EIF3H: variants seen among roughly 807,000 people sequenced by gnomAD.
EIF3H encodes the protein eukaryotic translation initiation factor 3 subunit H, also known as eIF-3-gamma.
Under a neutral mutation model 44.2 loss-of-function variants are expected in EIF3H, and 26 were observed. That is an observed-to-expected ratio of 0.59 (90% CI 0.43 to 0.82). EIF3H has a LOEUF of 0.82. Among genes scored for constraint, EIF3H ranks in the 40% least tolerant of loss-of-function variants. The pLI is 0.00. For synonymous variants in EIF3H, 166 were observed against 151.9 expected (o/e 1.09, Z -0.68); for missense variants, 359 against 432.8 (o/e 0.83, Z 1.51).
intron 2 of EIF3H, among the ~76,000 whole-genome samples, chr8:116,684,338 T>C (rs1814038704): frequency 1.3e-5 from 2 of 152,124 alleles, no homozygotes; most frequent in Admixed American, 1.3e-4. Flanking sequence ...AGAGAGTGAA[T>C]TTTCTAAAAT....
chr8:116,737,028 T>C (rs578248011), intron 1 of EIF3H, among the ~76,000 whole-genome samples: 1 of 152,332 alleles, frequency 6.6e-6, no homozygotes, highest in African/African-American at 2.4e-5. Flanking sequence ...AATTTGTTCC[T>C]AGAAAAGCCT....
intron 6 of EIF3H, among the ~76,000 whole-genome samples, chr8:116,647,351 C>G (rs1563631449): frequency 6.6e-6 from 1 of 152,188 alleles, no homozygotes; most frequent in Non-Finnish European, 1.5e-5. Flanking sequence ...CCACCCGCCT[C>G]GGCCTCCCCA....
At chr8:116,702,164 G>A (rs1814388627) in intron 2 of EIF3H, among the ~76,000 whole-genome samples, 1 of 152,170 alleles carries the variant, frequency 6.6e-6, no homozygotes, top group Non-Finnish European at 1.5e-5. Flanking sequence ...GAGTTGATCA[G>A]CTGGAATGGG....
intron 1 of EIF3H, among the ~76,000 whole-genome samples, chr8:116,729,266 G>C (rs184007538): frequency 6.6e-6 from 1 of 152,114 alleles, no homozygotes; most frequent in Admixed American, 6.5e-5. Context: ...ATGCAAAAGG[G>C]AATACTGGTG....
At chr8:116,673,394 G>C (rs1402283851) in intron 2 of EIF3H, among the ~76,000 whole-genome samples, 2 of 152,180 alleles carry the variant, frequency 1.3e-5, no homozygotes, top group African/African-American at 4.8e-5. Context: ...GTGGTATTTA[G>C]ATGCGGTTTT....
chr8:116,755,917 T>G (rs1360290769), upstream of EIF3H: 6 of 1,544,206 alleles, frequency 3.9e-6, no homozygotes, highest in East Asian at 1.2e-4. Context: ...GAAGCCAAAA[T>G]TGGGCCCCGC....
chr8:116,677,780 C>T (rs979839546), intron 2 of EIF3H, among the ~76,000 whole-genome samples: 18 of 152,112 alleles, frequency 1.2e-4, no homozygotes, highest in African/African-American at 2.7e-4. Flanking sequence ...TTCAATATAC[C>T]ATAAAATGTT....
Position 116,642,904 on chromosome 8 carries a change from G to A in EIF3H, c.*2102C>T, listed in dbSNP as rs890783346. Reference sequence around the variant, plus strand: ...ATTACTGAAATCTTTCATTAAGTGTGTATTCATGTTACCAAGATATAGAAA... The same window carrying A: ...ATTACTGAAATCTTTCATTAAGTGTATATTCATGTTACCAAGATATAGAAA... On this transcript the variant is annotated 3_prime_UTR_variant, in exon 8 of 8. Transcript: ENST00000521861. 4 of 152,152 alleles carry A rather than the reference G, an allele frequency of 2.6e-5. No individual in the cohort carries two copies. Among genetic ancestry groups the A allele is most frequent in the African/African-American group, 9.7e-5 (4 of 41,422 alleles). The allele number at this position is 152,152 out of a possible 1,614,324, so 9.4% of individuals were successfully genotyped here.
At chr8:116,654,123 G>A (rs77432402) in intron 5 of EIF3H, among the ~76,000 whole-genome samples, 2,066 of 152,270 alleles carry the variant, frequency 0.014, 57 homozygotes, top group African/African-American at 0.048. Context: ...AAAAAGCACT[G>A]CTTCAAAGTT....
At chr8:116,692,496 G>T (rs1814196167) in intron 2 of EIF3H, among the ~76,000 whole-genome samples, 1 of 152,048 alleles carries the variant, frequency 6.6e-6, no homozygotes, top group African/African-American at 2.4e-5. Flanking sequence ...TCTGAATAAA[G>T]GTAAATATTG....
intron 2 of EIF3H, among the ~76,000 whole-genome samples, chr8:116,709,240 T>C (rs951705968): frequency 6.6e-6 from 1 of 152,170 alleles, no homozygotes; most frequent in Non-Finnish European, 1.5e-5. Flanking sequence ...CTCCCAGTTA[T>C]GGATCTGCTT....
intron 2 of EIF3H, among the ~76,000 whole-genome samples, chr8:116,670,141 G>A (rs1443188708): frequency 6.6e-6 from 1 of 152,164 alleles, no homozygotes. Context: ...ATAATCATAT[G>A]CATACGCACT....
At chr8:116,666,255 G>T (rs761026971) in intron 2 of EIF3H, among the ~76,000 whole-genome samples, 4 of 152,108 alleles carry the variant, frequency 2.6e-5, no homozygotes, top group Non-Finnish European at 4.4e-5. Context: ...CCAAGCTGGG[G>T]AATAATGGAA....
intron 5 of EIF3H, among the ~76,000 whole-genome samples, chr8:116,654,055 T>C (rs1813447574): frequency 6.6e-6 from 1 of 152,182 alleles, no homozygotes; most frequent in Non-Finnish European, 1.5e-5. Flanking sequence ...ACAAAACTTA[T>C]CTTTCTGTCT....
chr8:116,675,109 AT>A (rs33991998), intron 2 of EIF3H, among the ~76,000 whole-genome samples: 43,565 of 152,074 alleles, frequency 0.29, 7,056 homozygotes, highest in East Asian at 0.44. Flanking sequence ...TTATAAAAAA[AT>A]CTCTTTGTAT....
chr8:116,756,572 T>C (rs1399890418), upstream of EIF3H, among the ~76,000 whole-genome samples: 1 of 152,240 alleles, frequency 6.6e-6, no homozygotes, highest in East Asian at 1.9e-4. Flanking sequence ...AATGACTTTT[T>C]TCCTATCCCT....
Position 116,726,871 on chromosome 8 carries a change from AATC to A in EIF3H, c.133-702_133-700del, listed in dbSNP as rs567930213. Among the ~76,000 whole-genome samples, 524 of 152,328 alleles carry A rather than the reference AATC, an allele frequency of 3.4e-3. 13 individuals carry two copies. Among genetic ancestry groups the A allele is most frequent in the Admixed American group, 0.032 (492 of 15,290 alleles). On this transcript the variant is annotated intron_variant, in intron 1 of 7. Transcript: ENST00000521861. ...TGGACAAGAAATTAAAGTCTGCAAT[AATC>A]ATAATCATTAATAATTCCTACAACA...
At chr8:116,646,053 C>G (rs761283865) in intron 7 of EIF3H, among the ~76,000 whole-genome samples, 1 of 152,160 alleles carries the variant, frequency 6.6e-6, no homozygotes, top group Non-Finnish European at 1.5e-5. Context: ...TACATTTGTG[C>G]TGCCACAATT....
chr8:116,659,610 T>C (rs1490514671), intron 2 of EIF3H, among the ~76,000 whole-genome samples: 1 of 152,236 alleles, frequency 6.6e-6, no homozygotes, highest in Admixed American at 6.5e-5. Context: ...AAGTAACAGA[T>C]ACTATGTTTT....
Sources: allele counts gnomAD v4.1 joint callset (sites outside exome capture counted in the v4.1 genomes callset), GRCh38; gene constraint gnomAD v4.1.1; transcripts MANE v1.5; gene names NCBI Gene and HGNC (gene_info 2026-07-23, HGNC 2026-07-21).